RCBTB1: variants seen among roughly 807,000 people sequenced by gnomAD.
RCBTB1 encodes the protein RCC1 and BTB domain containing protein 1, also known as RCC1 and BTB domain-containing protein 1.
RCBTB1 carries 46 observed loss-of-function variants against 62.4 expected under a neutral mutation model. The ratio of observed to expected loss-of-function variants is 0.74; its 90% CI spans 0.58 to 0.94. RCBTB1 has a LOEUF of 0.94. Ranked by LOEUF, RCBTB1 falls within the 40% of genes least tolerant of loss-of-function variation. RCBTB1 has a pLI of 0.00. For missense variants in RCBTB1, 565 were observed against 654.9 expected, an observed-to-expected ratio of 0.86 and a Z score of 1.50; for synonymous variants, 222 against 245.8, an observed-to-expected ratio of 0.90 and a Z score of 0.91.
At chr13:49,558,813 G>C (rs1594300714) in intron 5 of RCBTB1, among the ~76,000 whole-genome samples, 1 of 151,824 alleles carries the variant, frequency 6.6e-6, no homozygotes, top group South Asian at 2.1e-4. Flanking sequence ...GTTTGCTTTT[G>C]AACTGTGTGG....
chr13:49,559,511 G>A (rs1416532468), intron 5 of RCBTB1, among the ~76,000 whole-genome samples: 4 of 151,944 alleles, frequency 2.6e-5, no homozygotes, highest in African/African-American at 9.7e-5. Context: ...AAAAAATTAG[G>A]CGGGTGTGGT....
At chr13:49,552,560 T>C (rs893660063) in intron 6 of RCBTB1, among the ~76,000 whole-genome samples, 1 of 152,126 alleles carries the variant, frequency 6.6e-6, no homozygotes, top group Non-Finnish European at 1.5e-5. Flanking sequence ...TAACAATTAT[T>C]AAGTACCTAC....
intron 8 of RCBTB1, chr13:49,550,504 AC>A: frequency 1.4e-6 from 1 of 701,324 alleles, no homozygotes; most frequent in Non-Finnish European, 1.8e-6. Context: ...ATTAGGCTGA[AC>A]AACATCAAGC....
intron 10 of RCBTB1, among the ~76,000 whole-genome samples, chr13:49,544,510 C>A (rs1960646784): frequency 6.6e-6 from 1 of 151,888 alleles, no homozygotes; most frequent in South Asian, 2.1e-4. Context: ...ACACAAAAAA[C>A]CAATATGGAC....
chr13:49,564,534 G>C (rs112448304), intron 4 of RCBTB1, among the ~76,000 whole-genome samples: 1 of 137,666 alleles, frequency 7.3e-6, no homozygotes, highest in Non-Finnish European at 1.5e-5. Context: ...TGAGTGGGCC[G>C]AGATCATGCC....
chr13:49,537,801 C>G (rs76356907), intron 12 of RCBTB1: 2 of 152,156 alleles, frequency 1.3e-5, no homozygotes, highest in African/African-American at 4.8e-5. Context: ...TTGTGAAGTC[C>G]TTCTTAATAA....
intron 8 of RCBTB1, 86 bp from the exon 9 acceptor site, chr13:49,549,734 TTGCAA>T: frequency 6.7e-7 from 1 of 1,500,746 alleles, no homozygotes; most frequent in Non-Finnish European, 8.9e-7. Flanking sequence ...AAGTTCATGC[TTGCAA>T]TACCTCAGAA....
intron 9 of RCBTB1, chr13:49,546,353 C>CA (rs1403635786): frequency 6.1e-6 from 6 of 985,342 alleles, no homozygotes; most frequent in Non-Finnish European, 7.2e-6. Flanking sequence ...TTTTGACTTT[C>CA]AGTGGGTGGA....
intron 5 of RCBTB1, among the ~76,000 whole-genome samples, chr13:49,558,897 C>G (rs1358109996): frequency 6.6e-6 from 1 of 152,162 alleles, no homozygotes; most frequent in Non-Finnish European, 1.5e-5. Context: ...CCACTATGAT[C>G]ACCCCAACTC....
chr13:49,584,670 G>C (rs1192522585), intron 1 of RCBTB1, among the ~76,000 whole-genome samples: 2 of 152,166 alleles, frequency 1.3e-5, no homozygotes, highest in African/African-American at 4.8e-5. Context: ...CCCAAAAAAA[G>C]AATAGGGCAA....
intron 10 of RCBTB1, among the ~76,000 whole-genome samples, chr13:49,544,424 G>T (rs557493212): frequency 6.6e-6 from 1 of 152,108 alleles, no homozygotes; most frequent in Admixed American, 6.5e-5. Flanking sequence ...AGCTGAGATC[G>T]TGCCACTGCA....
intron 12 of RCBTB1, among the ~76,000 whole-genome samples, chr13:49,534,761 C>T (rs1052836068): frequency 2.0e-5 from 3 of 152,202 alleles, no homozygotes; most frequent in African/African-American, 4.8e-5. Flanking sequence ...CAGCCGGGCA[C>T]GGTGGCTCAC....
intron 8 of RCBTB1, chr13:49,550,462 GCACT>G (rs765825334): frequency 4.7e-5 from 46 of 978,784 alleles, no homozygotes; most frequent in Admixed American, 6.2e-5. Context: ...TCAGAAGTCA[GCACT>G]CCAGGACATA....
chr13:49,560,196 G>T, intron 4 of RCBTB1, 112 bp from the exon 5 acceptor site: 1 of 1,144,842 alleles, frequency 8.7e-7, no homozygotes, highest in Non-Finnish European at 1.3e-6. Flanking sequence ...CTCTCCCATT[G>T]CCCCCTCCTC....
chr13:49,546,289 G>A, intron 9 of RCBTB1: 3 of 985,018 alleles, frequency 3.0e-6, no homozygotes, highest in South Asian at 4.7e-5. Context: ...AATTCACCAT[G>A]TGACTTTCCG....
intron 4 of RCBTB1, among the ~76,000 whole-genome samples, chr13:49,564,795 G>A (rs2137301969): frequency 6.6e-6 from 1 of 151,838 alleles, no homozygotes; most frequent in Non-Finnish European, 1.5e-5. Context: ...GGAGGCTGAG[G>A]CAGGAGAATG....
chr13:49,582,624 G>A (rs930788451), intron 1 of RCBTB1, among the ~76,000 whole-genome samples: 10 of 152,226 alleles, frequency 6.6e-5, no homozygotes, highest in African/African-American at 2.2e-4. Context: ...TCCAGATGCT[G>A]GAGACATACT....
intron 4 of RCBTB1, among the ~76,000 whole-genome samples, chr13:49,562,776 C>CTTT (rs58896397): frequency 1.6e-5 from 1 of 61,366 alleles, no homozygotes; most frequent in East Asian, 5.5e-4. Context: ...CCATCCCCGG[C>CTTT]TTTTTTTTTT....
At chr13:49,574,860 G>A (rs1963663204) in intron 2 of RCBTB1, among the ~76,000 whole-genome samples, 1 of 152,080 alleles carries the variant, frequency 6.6e-6, no homozygotes, top group Non-Finnish European at 1.5e-5. Context: ...ACAGATGAAT[G>A]GATAAACAAA....
Sources: allele counts gnomAD v4.1 joint callset (sites outside exome capture counted in the v4.1 genomes callset), GRCh38; gene constraint gnomAD v4.1.1; transcripts MANE v1.5; gene names NCBI Gene and HGNC (gene_info 2026-07-23, HGNC 2026-07-21).